Variants in SIPA1L1 observed in about 807,000 individuals in gnomAD.
SIPA1L1 encodes signal induced proliferation associated 1 like 1, also known as signal-induced proliferation-associated 1-like protein 1.
Under a neutral mutation model 162.7 loss-of-function variants are expected in SIPA1L1, and 26 were observed. The ratio of observed to expected loss-of-function variants is 0.16; its 90% CI spans 0.12 to 0.22. The LOEUF (loss-of-function observed/expected upper bound fraction) is 0.22, where lower values mean the gene tolerates loss of function less well. SIPA1L1 is among the 10% of genes least tolerant of loss of function. The pLI is 1.00. For synonymous variants in SIPA1L1, 829 were observed against 837.4 expected (o/e 0.99, Z 0.17); for missense variants, 1,874 against 2,241.0 (o/e 0.84, Z 3.31).
intron 2 of SIPA1L1, among the ~76,000 whole-genome samples, chr14:71,442,644 T>C (rs1206040564): frequency 1.3e-5 from 2 of 152,096 alleles, no homozygotes; most frequent in African/African-American, 4.8e-5. Context: ...GATTTGATGA[T>C]TGGCTAAGTG....
At chr14:71,569,373 T>C (rs146524956) in intron 4 of SIPA1L1, among the ~76,000 whole-genome samples, 209 of 152,286 alleles carry the variant, frequency 1.4e-3, no homozygotes, top group Non-Finnish European at 2.5e-3. Flanking sequence ...AGGGGTGGAA[T>C]TAGTTTTAAG....
intron 4 of SIPA1L1, among the ~76,000 whole-genome samples, chr14:71,534,080 TAAAAA>T (rs2053680789): frequency 6.6e-6 from 1 of 151,608 alleles, no homozygotes; most frequent in Non-Finnish European, 1.5e-5. Context: ...AAAATAAAAA[TAAAAA>T]TAAAAATAAA....
intron 19 of SIPA1L1, among the ~76,000 whole-genome samples, 165 bp from the exon 20 acceptor site, chr14:71,729,890 T>C (rs888328554): frequency 6.6e-6 from 1 of 152,220 alleles, no homozygotes; most frequent in Non-Finnish European, 1.5e-5. Context: ...CCAGGAATTC[T>C]TGGGTTAGCT....
chr14:71,542,762 T>C (rs2054593073), intron 4 of SIPA1L1, among the ~76,000 whole-genome samples: 1 of 148,556 alleles, frequency 6.7e-6, no homozygotes, highest in African/African-American at 2.5e-5. Flanking sequence ...TTTTTTTTTT[T>C]TTACGAGATA....
chr14:71,516,708 C>T (rs1212591087), intron 3 of SIPA1L1, among the ~76,000 whole-genome samples: 1 of 151,072 alleles, frequency 6.6e-6, no homozygotes, highest in African/African-American at 2.4e-5. Context: ...TGTGGTGGCT[C>T]ACGCCTGTAA....
chr14:71,480,832 A>G (rs115563777), intron 2 of SIPA1L1, among the ~76,000 whole-genome samples: 2,718 of 152,292 alleles, frequency 0.018, 74 homozygotes, highest in African/African-American at 0.062. Context: ...ATATTGTGTA[A>G]AATACAAGAA....
At chr14:71,457,884 A>G (rs1365192447) in intron 2 of SIPA1L1, among the ~76,000 whole-genome samples, 1 of 152,170 alleles carries the variant, frequency 6.6e-6, no homozygotes, top group Non-Finnish European at 1.5e-5. Flanking sequence ...GGTGTGAGCC[A>G]CCATGCCCGG....
At chr14:71,333,595 A>G (rs2034786902) in intron 2 of SIPA1L1, among the ~76,000 whole-genome samples, 1 of 152,206 alleles carries the variant, frequency 6.6e-6, no homozygotes, top group African/African-American at 2.4e-5. Flanking sequence ...TCCTGGCTTT[A>G]CTACATACTA....
chr14:71,458,934 A>G (rs1456117346), intron 2 of SIPA1L1, among the ~76,000 whole-genome samples: 2 of 152,078 alleles, frequency 1.3e-5, no homozygotes, highest in African/African-American at 2.4e-5. Flanking sequence ...TTAGCTGGGC[A>G]TGGTGGTGTG....
At chr14:71,423,900 A>G (rs772886316) in intron 2 of SIPA1L1, among the ~76,000 whole-genome samples, 40 of 152,088 alleles carry the variant, frequency 2.6e-4, no homozygotes, top group Non-Finnish European at 4.6e-4. Context: ...TTTGGGTAAT[A>G]TTGCTATCTT....
intron 2 of SIPA1L1, among the ~76,000 whole-genome samples, chr14:71,434,659 G>T (rs113763686): frequency 0.018 from 2,733 of 152,104 alleles, 32 homozygotes; most frequent in African/African-American, 0.027. Context: ...GCTCACTGTG[G>T]CCTTGAACTC....
chr14:71,508,018 A>G (rs2050816390), intron 2 of SIPA1L1, among the ~76,000 whole-genome samples: 1 of 152,234 alleles, frequency 6.6e-6, no homozygotes, highest in South Asian at 2.1e-4. Flanking sequence ...GGTAACCGGC[A>G]TAAGCTCAAG....
Position 71,589,368 on chromosome 14 carries a change from A to G in SIPA1L1, c.1496A>G (p.Lys499Arg). 6.3e-7 allele frequency: 1 copy of G among 1,589,176 alleles called. No individual in the cohort carries two copies. Among genetic ancestry groups the G allele is most frequent in the Non-Finnish European group, 8.6e-7 (1 of 1,160,748 alleles). ...TATTATAGAAAATTTTTCTACCAGA[A>G]GGGTAAGTAGAGATCCTTTATTTCT... ...AYYYRKFFYQKEHWNYFGADE... is the reference protein window; with the variant it reads ...AYYYRKFFYQREHWNYFGADE... The change falls in exon 5 of 24, where the codon AAG becomes AGG. Residue 499 changes from lysine (K) to arginine (R), a missense_variant and splice_region_variant. Physicochemically the swap from Lys to Arg is conservative, Grantham distance 26 (BLOSUM62 2). This residue lies in a region of SIPA1L1 where 685 missense variants were observed against 828.0 expected (regional missense o/e 0.83). Coordinates refer to ENST00000381232, the MANE Select transcript of SIPA1L1 (RefSeq NM_001386936.1).
chr14:71,532,769 A>G (rs2145425045), intron 4 of SIPA1L1, among the ~76,000 whole-genome samples: 1 of 152,350 alleles, frequency 6.6e-6, no homozygotes, highest in East Asian at 1.9e-4. Context: ...GATAGAATGA[A>G]AAGCAGTGGA....
At chr14:71,649,665 C>G (rs1037785857) in intron 7 of SIPA1L1, among the ~76,000 whole-genome samples, 1 of 152,020 alleles carries the variant, frequency 6.6e-6, no homozygotes. Flanking sequence ...AAATATTTGC[C>G]ATTAGCTGAT....
At position 71,384,540 on chromosome 14, in the gene SIPA1L1, A is replaced by G. The variant is rs976769646; in HGVS notation, c.-465+63359A>G. 3.9e-5 allele frequency among the ~76,000 whole-genome samples: 6 copies of G among 152,358 alleles called. No individual in the cohort carries two copies. The East Asian group carries it at 9.6e-4, about 24-fold the overall frequency. ...TACACCCAATAGAGCCTTTTATGGC[A>G]TAGAGAATCTCTCAAAAGCCTTGAT... is the stretch of plus-strand genomic sequence containing the variant. On this transcript the variant is annotated intron_variant, in intron 2 of 23. Coordinates refer to ENST00000381232, the MANE Select transcript of SIPA1L1 (RefSeq NM_001386936.1).
At chr14:71,635,917 G>A (rs1207846836) in intron 7 of SIPA1L1, among the ~76,000 whole-genome samples, 2 of 152,150 alleles carry the variant, frequency 1.3e-5, no homozygotes, top group Admixed American at 1.3e-4. Context: ...ATAGGGCTTA[G>A]TAATGTCAGG....
chr14:71,412,062 G>A (rs1405712429), intron 2 of SIPA1L1, among the ~76,000 whole-genome samples: 2 of 152,212 alleles, frequency 1.3e-5, no homozygotes, highest in African/African-American at 4.8e-5. Flanking sequence ...ATTAGTTAAA[G>A]ATTAACAAAA....
At chr14:71,330,370 T>C in intron 2 of SIPA1L1, 1 of 947,820 alleles carries the variant, frequency 1.1e-6, no homozygotes, top group Admixed American at 1.7e-5. Context: ...GCGATGAAAA[T>C]TGTAGGGAAA....
Sources: allele counts gnomAD v4.1 joint callset (sites outside exome capture counted in the v4.1 genomes callset), GRCh38; gene constraint gnomAD v4.1.1; regional missense constraint gnomAD v4.1.1; transcripts MANE v1.5; gene names NCBI Gene and HGNC (gene_info 2026-07-23, HGNC 2026-07-21).